SOX5: variants seen among roughly 807,000 people sequenced by gnomAD.
SOX5 encodes the protein transcription factor SOX-5.
A neutral mutation model predicts 92.0 loss-of-function variants in SOX5; 9 were observed. The ratio of observed to expected loss-of-function variants is 0.10; its 90% CI spans 0.06 to 0.17. The LOEUF is 0.17. Ranked by LOEUF, SOX5 falls within the 10% of genes least tolerant of loss-of-function variation. The pLI is 1.00. For missense variants in SOX5, 642 were observed against 944.5 expected, an observed-to-expected ratio of 0.68 and a Z score of 4.20; for synonymous variants, 344 against 336.3, an observed-to-expected ratio of 1.02 and a Z score of -0.25.
At chr12:23,752,438 C>A (rs925055882) in intron 4 of SOX5, among the ~76,000 whole-genome samples, 1 of 151,824 alleles carries the variant, frequency 6.6e-6, no homozygotes, top group Non-Finnish European at 1.5e-5. Context: ...AACATTAAGT[C>A]AGCAAAATAC....
At chr12:24,538,726 G>A (rs112306547) in intron 1 of SOX5, among the ~76,000 whole-genome samples, 63 of 151,998 alleles carry the variant, frequency 4.1e-4, no homozygotes, top group African/African-American at 1.4e-3. Context: ...ATTCAGTCAT[G>A]GGGAAATGTT....
chr12:23,758,728 T>C (rs1444227686), intron 3 of SOX5, among the ~76,000 whole-genome samples: 1 of 151,910 alleles, frequency 6.6e-6, no homozygotes, highest in Non-Finnish European at 1.5e-5. Context: ...CCAAAAGTGT[T>C]GGGAGGTGAG....
chr12:23,550,637 CCT>C (rs1438566251), intron 11 of SOX5, among the ~76,000 whole-genome samples: 6 of 151,704 alleles, frequency 4.0e-5, no homozygotes, highest in South Asian at 2.1e-4. Context: ...AGAAATTTCC[CCT>C]CTTTGTCTAT....
intron 1 of SOX5, among the ~76,000 whole-genome samples, chr12:24,515,553 T>C (rs1053789909): frequency 6.6e-6 from 1 of 152,200 alleles, no homozygotes; most frequent in African/African-American, 2.4e-5. Flanking sequence ...TAAATGGGAT[T>C]ATCCCAGTAT....
intron 8 of SOX5, among the ~76,000 whole-genome samples, chr12:23,636,118 T>C (rs1158055597): frequency 1.3e-5 from 2 of 152,196 alleles, no homozygotes; most frequent in Non-Finnish European, 2.9e-5. Context: ...CTAATGTGAA[T>C]TGAAGCTCAA....
intron 8 of SOX5, among the ~76,000 whole-genome samples, chr12:23,605,667 T>C (rs1418875299): frequency 6.6e-6 from 1 of 151,704 alleles, no homozygotes; most frequent in Admixed American, 6.6e-5. Flanking sequence ...AAAGAGAAAT[T>C]CCAAACAACA....
At chr12:23,990,968 C>T (rs966738722) in intron 4 of SOX5, among the ~76,000 whole-genome samples, 1 of 151,664 alleles carries the variant, frequency 6.6e-6, no homozygotes, top group Non-Finnish European at 1.5e-5. Flanking sequence ...TTAAATTTAA[C>T]TGTTAATATA....
intron 7 of SOX5, among the ~76,000 whole-genome samples, chr12:23,655,314 A>G (rs2082172630): frequency 6.6e-6 from 1 of 152,104 alleles, no homozygotes; most frequent in East Asian, 1.9e-4. Flanking sequence ...GGTATTGCAC[A>G]ATAACTCATT....
chr12:24,288,709 G>A (rs1011722963), intron 2 of SOX5, among the ~76,000 whole-genome samples: 23 of 151,170 alleles, frequency 1.5e-4, no homozygotes, highest in Admixed American at 1.2e-3. Context: ...ACTTTTCTGT[G>A]TATAGCACAC....
At chr12:24,505,874 C>CGCGCGCGTGTGTGTGT (rs368183832) in intron 1 of SOX5, among the ~76,000 whole-genome samples, 2 of 148,018 alleles carry the variant, frequency 1.4e-5, no homozygotes, top group Non-Finnish European at 3.0e-5. Context: ...TGTGTGTGTG[C>CGCGCGCGTGTGTGTGT]GCATCACTGC....
intron 2 of SOX5, among the ~76,000 whole-genome samples, chr12:24,335,826 C>T: frequency 6.6e-6 from 1 of 151,384 alleles, no homozygotes; most frequent in Non-Finnish European, 1.5e-5. Context: ...AAAAAGTTTT[C>T]AGACTAGGCA....
chr12:23,563,273 G>C lies in SOX5; in HGVS notation c.1473C>G (p.Asn491Lys). The stretch of plus-strand genomic sequence containing the variant: ...ATGAACTGACCTTTTCTGTTCGGCA[G>C]TTATTGAGACCCAGACTATTCACAA... ...VAVVNSLGLN[N>K]CRTEKEKTTL... The change falls in exon 11 of 15, where the codon AAC becomes AAG. Residue 491 changes from asparagine (N) to lysine (K), a missense_variant. Coordinates refer to ENST00000451604, the MANE Select transcript of SOX5 (RefSeq NM_006940.6). 1 of 1,612,754 alleles carries C rather than the reference G, an allele frequency of 6.2e-7. No individual in the cohort carries two copies. Among genetic ancestry groups the C allele is most frequent in the Non-Finnish European group, 8.5e-7 (1 of 1,179,318 alleles).
chr12:24,039,023 T>G (rs751153108), intron 4 of SOX5, among the ~76,000 whole-genome samples: 3 of 152,174 alleles, frequency 2.0e-5, no homozygotes, highest in Non-Finnish European at 4.4e-5. Context: ...AACCAGTATT[T>G]TATGTATAGG....
rs77597800 is a variant in SOX5 at position 24,024,718 on chromosome 12, A to T, written c.-1-128694T>A. On this transcript the variant is annotated intron_variant, in intron 4 of 4. Transcript: ENST00000446891. ...AACAAGTAGGAATCTATACTGTGTT[A>T]GCATTGGACAGAATATATTAAAAGG... is the stretch of plus-strand genomic sequence containing the variant. 6.8e-3 allele frequency among the ~76,000 whole-genome samples: 1,039 copies of T among 152,196 alleles called. 18 individuals carry two copies. Among genetic ancestry groups the T allele is most frequent in the African/African-American group, 0.024 (994 of 41,574 alleles).
chr12:24,188,596 T>TC (rs1555166121), intron 4 of SOX5, among the ~76,000 whole-genome samples: 2 of 151,262 alleles, frequency 1.3e-5, no homozygotes, highest in Admixed American at 6.6e-5. Context: ...CAAGTAGAAA[T>TC]AAAAAAAACA....
intron 2 of SOX5, among the ~76,000 whole-genome samples, chr12:23,887,917 ATGTGTGTGTGTG>A (rs61356582): frequency 4.8e-5 from 7 of 144,664 alleles, no homozygotes; most frequent in African/African-American, 1.8e-4. Context: ...CAGTGTGTAT[ATGTGTGTGTGTG>A]TGTGTGTGTG....
intron 3 of SOX5, among the ~76,000 whole-genome samples, chr12:23,810,898 A>C (rs1231355174): frequency 7.2e-5 from 11 of 152,174 alleles, no homozygotes; most frequent in African/African-American, 2.4e-4. Flanking sequence ...ACAGCCACAG[A>C]AGAGCTGCTT....
At chr12:24,443,399 A>G (rs1737434455) in intron 1 of SOX5, among the ~76,000 whole-genome samples, 1 of 152,234 alleles carries the variant, frequency 6.6e-6, no homozygotes, top group Admixed American at 6.5e-5. Context: ...AGCGATTTCC[A>G]TCACACCCTG....
At chr12:23,706,152 T>G (rs976001052) in intron 6 of SOX5, among the ~76,000 whole-genome samples, 2 of 151,964 alleles carry the variant, frequency 1.3e-5, no homozygotes, top group African/African-American at 4.8e-5. Flanking sequence ...TTAAAAACAA[T>G]TTGGAATATA....
Sources: allele counts gnomAD v4.1 joint callset (sites outside exome capture counted in the v4.1 genomes callset), GRCh38; gene constraint gnomAD v4.1.1; transcripts MANE v1.5; gene names NCBI Gene and HGNC (gene_info 2026-07-23, HGNC 2026-07-21).